Variants in SIN3B observed in about 807,000 individuals in gnomAD.
SIN3B encodes paired amphipathic helix protein Sin3b.
A neutral mutation model predicts 120.2 loss-of-function variants in SIN3B; 19 were observed. The observed-to-expected ratio is 0.16, with a 90% CI of 0.11 to 0.23. SIN3B has a LOEUF of 0.23. Among genes scored for constraint, SIN3B ranks in the 10% least tolerant of loss-of-function variants. The probability of loss-of-function intolerance (pLI) is 1.00; values close to 1 mark genes in which losing one functional copy is unlikely to be tolerated. For missense variants in SIN3B, 1,073 were observed against 1,573.0 expected (o/e 0.68, Z 5.38); for synonymous variants, 654 against 653.2 (o/e 1.00, Z -0.02).
rs757136055 is a variant in SIN3B at position 16,846,995 on chromosome 19, G to A, written c.608G>A (p.Arg203Gln). The A allele has an allele frequency of 3.1e-6, 5 of 1,613,998 alleles. No individual in the cohort carries two copies. Among genetic ancestry groups the A allele is most frequent in the South Asian group, 1.1e-5 (1 of 91,084 alleles). Residue 203 changes from arginine to glutamine, a missense_variant, in exon 5 of 19, where the codon CGG (arginine) becomes CAG (glutamine). Coordinates refer to ENST00000248054, the MANE Select transcript of SIN3B (RefSeq NM_001297595.2). Reference protein sequence around the residue: ...YQKEQLNTRGRPFRGMSEEEV... With the variant: ...YQKEQLNTRGQPFRGMSEEEV... ...AAGGAGCAGCTGAACACGAGGGGCCGGCCATTCCGAGGCATGTCTGAAGAG... is the reference window on the plus strand; with the variant it reads ...AAGGAGCAGCTGAACACGAGGGGCCAGCCATTCCGAGGCATGTCTGAAGAG...
intron 3 of SIN3B, among the ~76,000 whole-genome samples, chr19:16,834,329 T>A (rs1971317729): frequency 6.6e-6 from 1 of 152,172 alleles, no homozygotes. Context: ...GCGTCCTGCA[T>A]GTGGAAATTG....
chr19:16,866,002 C>T (rs1971766949), intron 11 of SIN3B, among the ~76,000 whole-genome samples: 1 of 152,330 alleles, frequency 6.6e-6, no homozygotes, highest in African/African-American at 2.4e-5. Flanking sequence ...AGGCATTTAT[C>T]AAGTGGTCAC....
chr19:16,835,273 G>A (rs1971333452), intron 3 of SIN3B, among the ~76,000 whole-genome samples: 1 of 141,736 alleles, frequency 7.1e-6, no homozygotes, highest in African/African-American at 2.7e-5. Context: ...GTGTTGCCCA[G>A]GCTGGAGTGC....
intron 13 of SIN3B, 146 bp downstream of exon 13, chr19:16,870,221 G>A: frequency 9.6e-7 from 1 of 1,037,070 alleles, no homozygotes; most frequent in Non-Finnish European, 1.4e-6. Context: ...TTGCAAACAG[G>A]AAGTTGCCAG....
chr19:16,843,718 G>A (rs1002936795), intron 4 of SIN3B, among the ~76,000 whole-genome samples: 6 of 152,246 alleles, frequency 3.9e-5, no homozygotes, highest in African/African-American at 1.4e-4. Context: ...CAGAGAGAGT[G>A]CCATGGGAAG....
chr19:16,851,324 T>A, intron 5 of SIN3B, 88 bp from the exon 6 acceptor site: 2 of 1,452,204 alleles, frequency 1.4e-6, no homozygotes, highest in Non-Finnish European at 1.8e-6. Flanking sequence ...CACCGGGCTG[T>A]GGGCTGAGCT....
intron 3 of SIN3B, among the ~76,000 whole-genome samples, chr19:16,834,457 C>T (rs1381704555): frequency 6.6e-6 from 1 of 152,196 alleles, no homozygotes; most frequent in African/African-American, 2.4e-5. Context: ...GGGTCCCCAA[C>T]CGTGGAGGGC....
chr19:16,848,145 G>A (rs1258020012), intron 5 of SIN3B, among the ~76,000 whole-genome samples: 1 of 152,184 alleles, frequency 6.6e-6, no homozygotes, highest in East Asian at 1.9e-4. Context: ...CTGTTTATCC[G>A]TATTCTGTTG....
intron 3 of SIN3B, among the ~76,000 whole-genome samples, chr19:16,841,444 G>C (rs1971415912): frequency 6.6e-6 from 1 of 152,134 alleles, no homozygotes; most frequent in South Asian, 2.1e-4. Context: ...ATGCAGCCCA[G>C]CACTTGGCAC....
chr19:16,859,465 T>C (rs532584767), intron 8 of SIN3B, among the ~76,000 whole-genome samples: 17 of 152,200 alleles, frequency 1.1e-4, no homozygotes, highest in Non-Finnish European at 2.1e-4. Flanking sequence ...TAGTCCTCCC[T>C]GTAAGTGGTG....
Position 16,862,839 on chromosome 19 carries a change from T to C in SIN3B, c.1266+280T>C, listed in dbSNP as rs755853560. 1.1e-5 allele frequency: 16 copies of C among 1,429,722 alleles called. No homozygotes were observed. Among genetic ancestry groups the C allele is most frequent in the Admixed American group, 1.7e-5 (1 of 59,194 alleles). The allele number at this position is 1,429,722 out of a possible 1,614,324, so 88.6% of individuals were successfully genotyped here. On this transcript the variant is annotated intron_variant, in intron 9 of 18. Transcript: ENST00000248054. This position sits in a 1 kb window ranked among gnomAD's most constrained non-coding sequence, Gnocchi z 4.7. ...GACTTAGGTTTATTGCTGCCATGATTCTGCTCTGTCCCGGGCTCACTGACC... is the reference window on the plus strand; with the variant it reads ...GACTTAGGTTTATTGCTGCCATGATCCTGCTCTGTCCCGGGCTCACTGACC...
intron 10 of SIN3B, among the ~76,000 whole-genome samples, chr19:16,864,625 C>T (rs1015224113): frequency 2.0e-5 from 3 of 152,126 alleles, no homozygotes; most frequent in African/African-American, 7.2e-5. Flanking sequence ...AGCCACCACA[C>T]CTGGCTAATT....
chr19:16,875,799 CTGGTCTGTT>C (rs2051594417), intron 14 of SIN3B: 1 of 526,682 alleles, frequency 1.9e-6, no homozygotes, highest in Non-Finnish European at 3.3e-6. Flanking sequence ...CTGGTCTGGT[CTGGTCTGTT>C]TGGTCTGGTC....
intron 16 of SIN3B, chr19:16,877,096 G>A (rs2051618423): frequency 4.7e-6 from 1 of 210,612 alleles, no homozygotes; most frequent in Non-Finnish European, 9.6e-6. Context: ...AACAGGTCCA[G>A]TGTGTGTGCA....
In SIN3B at chr19:16,865,309, C is replaced by A. The variant is rs538385842; in HGVS notation, c.1384-101C>A. 25 of 544,742 alleles carry A rather than the reference C, an allele frequency of 4.6e-5. 1 individual carries two copies. Among genetic ancestry groups the A allele is most frequent in the Non-Finnish European group, 7.5e-5 (22 of 294,310 alleles). 33.7% of individuals were successfully genotyped at this position (544,742 alleles called of 1,614,324 possible). ...ACCCTATCTCTTAAATACACACACC[C>A]CCCCCCCAAAAAAATCCTCTGGTCT... On this transcript the variant is annotated intron_variant, in intron 10 of 18. Transcript: ENST00000248054.
chr19:16,848,123 A>C (rs1180408311), intron 5 of SIN3B, among the ~76,000 whole-genome samples: 1 of 152,152 alleles, frequency 6.6e-6, no homozygotes, highest in African/African-American at 2.4e-5. Flanking sequence ...TGTTAGATGG[A>C]TGAGCCACAT....
rs146939548 is a variant in SIN3B, at chr19:16,851,423, C to T, written c.738C>T (p.Asn246=). The T allele has an allele frequency of 2.6e-5, 42 of 1,601,336 alleles. No individual in the cohort carries two copies. In the African/African-American group the frequency reaches 3.2e-4, roughly 12 times the overall value. ...ACATGTGTCCTTAGTTCACAGGAAA[C>T]GGGCCGTGCGAGATGCACAGCGTGC... ...PEAKRSLFTG[N]GPCEMHSVQK... Residue 246 remains asparagine, a synonymous_variant, in exon 6 of 19, where the codon AAC becomes AAT. Coordinates refer to ENST00000248054, the MANE Select transcript of SIN3B (RefSeq NM_001297595.2).
chr19:16,859,718 G>A (rs551226605), intron 8 of SIN3B, among the ~76,000 whole-genome samples: 3 of 152,268 alleles, frequency 2.0e-5, no homozygotes, highest in Admixed American at 2.0e-4. Flanking sequence ...GTGGGCACAC[G>A]GCTGGGCTTT....
chr19:16,830,243 T>C (rs1193241776), intron 2 of SIN3B, among the ~76,000 whole-genome samples: 22 of 152,230 alleles, frequency 1.4e-4, no homozygotes, highest in Admixed American at 1.4e-3. Flanking sequence ...TTGATTTTTA[T>C]TTTCAAGCGC....
Sources: gnomAD v4.1 joint callset for allele counts (sites outside exome capture counted in the v4.1 genomes callset) on GRCh38, gnomAD v4.1.1 for gene constraint, Gnocchi (gnomAD v3.1) non-coding constraint, MANE v1.5 for transcripts, NCBI Gene and HGNC (gene_info 2026-07-23, HGNC 2026-07-21) for gene names.